Variants in KCNIP4 observed in about 807,000 individuals in gnomAD.
KCNIP4 encodes Kv channel-interacting protein 4.
KCNIP4 carries 12 observed loss-of-function variants against 34.0 expected under a neutral mutation model. The ratio of observed to expected loss-of-function variants is 0.35; its 90% CI spans 0.23 to 0.57. The LOEUF is 0.57. Among genes scored for constraint, KCNIP4 ranks in the 20% least tolerant of loss-of-function variants. KCNIP4 has a pLI of 0.83. For missense variants in KCNIP4, 238 were observed against 311.7 expected (o/e 0.76, Z 1.78); for synonymous variants, 124 against 102.2 (o/e 1.21, Z -1.29).
intron 3 of KCNIP4, among the ~76,000 whole-genome samples, chr4:20,818,972 C>T (rs988330048): frequency 2.2e-5 from 3 of 136,108 alleles, no homozygotes; most frequent in Non-Finnish European, 4.6e-5. Flanking sequence ...ACAACCTCTG[C>T]CTCCTGAGTT....
intron 1 of KCNIP4, among the ~76,000 whole-genome samples, chr4:21,113,252 A>G (rs1749382395): frequency 1.3e-5 from 2 of 152,154 alleles, no homozygotes; most frequent in African/African-American, 4.8e-5. Context: ...TTTCAAAAGT[A>G]ACAAAGAAAA....
At chr4:21,412,882 T>C (rs1397173064) in intron 1 of KCNIP4, among the ~76,000 whole-genome samples, 2 of 152,354 alleles carry the variant, frequency 1.3e-5, no homozygotes, top group East Asian at 1.9e-4. Context: ...CTGACATTGG[T>C]ATACAAGCAT....
intron 1 of KCNIP4, among the ~76,000 whole-genome samples, chr4:21,715,204 C>G (rs559597476): frequency 3.3e-5 from 5 of 151,472 alleles, no homozygotes; most frequent in African/African-American, 9.7e-5. Flanking sequence ...CCTTATCTTC[C>G]CAAGTACCTG....
At chr4:21,571,354 G>C (rs1740354984) in intron 1 of KCNIP4, among the ~76,000 whole-genome samples, 1 of 152,172 alleles carries the variant, frequency 6.6e-6, no homozygotes, top group Non-Finnish European at 1.5e-5. Context: ...GCAAAATAAT[G>C]ATGTGCCTGC....
intron 2 of KCNIP4, among the ~76,000 whole-genome samples, chr4:20,861,934 T>C (rs1560523225): frequency 6.6e-6 from 1 of 151,264 alleles, no homozygotes; most frequent in Admixed American, 6.6e-5. Flanking sequence ...AACCATATTA[T>C]TACTACAGCA....
At chr4:21,303,677 C>G (rs1712015275) in intron 1 of KCNIP4, 2 of 619,960 alleles carry the variant, frequency 3.2e-6, no homozygotes, top group Non-Finnish European at 5.4e-6. Flanking sequence ...CCTGAAAAAC[C>G]TGGCTTCCTT....
intron 1 of KCNIP4, among the ~76,000 whole-genome samples, chr4:20,994,822 A>G (rs950877848): frequency 2.0e-5 from 3 of 152,196 alleles, no homozygotes; most frequent in African/African-American, 7.2e-5. Flanking sequence ...TGAGTTTTTC[A>G]TTTTTAGTTC....
At chr4:21,417,006 T>C (rs1014414647) in intron 1 of KCNIP4, among the ~76,000 whole-genome samples, 7 of 152,168 alleles carry the variant, frequency 4.6e-5, no homozygotes, top group Non-Finnish European at 1.0e-4. Context: ...GAAATCATAT[T>C]TGCTGTTTCA....
At chr4:21,340,870 C>A (rs1328017623) in intron 1 of KCNIP4, among the ~76,000 whole-genome samples, 2 of 152,022 alleles carry the variant, frequency 1.3e-5, no homozygotes, top group African/African-American at 4.8e-5. Flanking sequence ...AGTCTATATT[C>A]TATGTGCATA....
At chr4:21,030,076 A>T (rs1740881329) in intron 1 of KCNIP4, among the ~76,000 whole-genome samples, 1 of 152,194 alleles carries the variant, frequency 6.6e-6, no homozygotes, top group Non-Finnish European at 1.5e-5. Context: ...GGAACCTGTC[A>T]GTGGCCTGTT....
At chr4:21,301,256 C>G (rs1365606443) in intron 1 of KCNIP4, among the ~76,000 whole-genome samples, 1 of 152,074 alleles carries the variant, frequency 6.6e-6, no homozygotes, top group Non-Finnish European at 1.5e-5. Context: ...GTATTCTACA[C>G]ATAGATAAAA....
At chr4:20,973,316 C>A (rs977230027) in intron 1 of KCNIP4, among the ~76,000 whole-genome samples, 8 of 152,178 alleles carry the variant, frequency 5.3e-5, no homozygotes, top group Non-Finnish European at 1.2e-4. Context: ...TTCCTTAAAC[C>A]TCATGAGCCA....
intron 1 of KCNIP4, among the ~76,000 whole-genome samples, chr4:21,475,282 G>A (rs1336494329): frequency 2.6e-5 from 4 of 152,056 alleles, no homozygotes; most frequent in Non-Finnish European, 4.4e-5. Context: ...ACTCCCAAAG[G>A]TACACTGAGT....
chr4:21,159,090 T>C (rs997580307), intron 1 of KCNIP4, among the ~76,000 whole-genome samples: 3 of 152,168 alleles, frequency 2.0e-5, no homozygotes, highest in Admixed American at 6.5e-5. Flanking sequence ...GTTTATTTGG[T>C]AGAAATCAAC....
In KCNIP4 at chr4:21,435,868, C is replaced by T. The variant is rs529594582; in HGVS notation, c.61+512703G>A. On this transcript the variant is annotated intron_variant, in intron 1 of 8. Coordinates refer to ENST00000382152, the MANE Select transcript of KCNIP4 (RefSeq NM_025221.6). ...GTTATATTTCAGCTTTGCCACTGAC[C>T]TTTAAATTGCTCTAATCTGCTTTTA... Among the ~76,000 whole-genome samples the T allele has an allele frequency of 2.6e-5, 4 of 152,218 alleles. 1 individual carries two copies. In the South Asian group the frequency reaches 6.2e-4, roughly 24 times the overall value.
At chr4:21,386,434 A>G (rs760203310) in intron 1 of KCNIP4, among the ~76,000 whole-genome samples, 10 of 152,186 alleles carry the variant, frequency 6.6e-5, no homozygotes, top group African/African-American at 1.4e-4. Flanking sequence ...GTCATAAAAA[A>G]AAAGAACTCA....
intron 4 of KCNIP4, among the ~76,000 whole-genome samples, chr4:20,757,992 T>C (rs935323940): frequency 9.9e-5 from 15 of 152,172 alleles, no homozygotes; most frequent in African/African-American, 3.6e-4. Flanking sequence ...ATACTTGAGT[T>C]TGACATTGTC....
chr4:20,872,186 C>T (rs188507071), intron 2 of KCNIP4, among the ~76,000 whole-genome samples: 110 of 152,220 alleles, frequency 7.2e-4, no homozygotes, highest in African/African-American at 2.6e-3. Flanking sequence ...ATATGTCCAC[C>T]TCTAAGCAGA....
At chr4:21,259,683 C>A (rs144972987) in intron 1 of KCNIP4, among the ~76,000 whole-genome samples, 19 of 152,252 alleles carry the variant, frequency 1.2e-4, no homozygotes, top group Non-Finnish European at 1.5e-4. Context: ...AAGTGCCTTA[C>A]GGTCAGGTGG....
Sources: gnomAD v4.1 joint callset for allele counts (sites outside exome capture counted in the v4.1 genomes callset) on GRCh38, gnomAD v4.1.1 for gene constraint, MANE v1.5 for transcripts, NCBI Gene and HGNC (gene_info 2026-07-23, HGNC 2026-07-21) for gene names.